SAMD5: variants seen among roughly 807,000 people sequenced by gnomAD.
The protein encoded by SAMD5 is sterile alpha motif domain-containing protein 5.
A neutral mutation model predicts 11.3 loss-of-function variants in SAMD5; 13 were observed. The observed-to-expected ratio is 1.15, with a 90% CI of 0.75 to 1.83. The LOEUF is 1.83. Among genes scored for constraint, SAMD5 ranks in the 40% most tolerant of loss-of-function variants. SAMD5 has a pLI of 0.00. For missense variants in SAMD5, 255 were observed against 239.1 expected (o/e 1.07, Z -0.44); for synonymous variants, 129 against 111.3 (o/e 1.16, Z -1.00).
At chr6:147,709,942 T>C (rs1190980442) in intron 1 of SAMD5, among the ~76,000 whole-genome samples, 1 of 152,168 alleles carries the variant, frequency 6.6e-6, no homozygotes, top group Non-Finnish European at 1.5e-5. Flanking sequence ...AACTGTGCAG[T>C]CACCCCTGAT....
chr6:147,882,236 C>T, the SAMD5 span, among the ~76,000 whole-genome samples: 3 of 152,126 alleles, frequency 2.0e-5, no homozygotes, highest in African/African-American at 7.2e-5. Flanking sequence ...CTTGTTGATT[C>T]TCCCAACCAC....
At chr6:147,647,809 C>A (rs910415093) in intron 1 of SAMD5, among the ~76,000 whole-genome samples, 1 of 152,220 alleles carries the variant, frequency 6.6e-6, no homozygotes, top group Non-Finnish European at 1.5e-5. Context: ...TGAGAGGCAT[C>A]GCTCACTGAA....
chr6:147,620,864 T>C (rs535754788), intron 1 of SAMD5, among the ~76,000 whole-genome samples: 14 of 152,158 alleles, frequency 9.2e-5, no homozygotes, highest in East Asian at 1.9e-4. Context: ...GTTTGAGGAA[T>C]AGTTAGAAGG....
chr6:147,878,523 TCA>T, the SAMD5 span, among the ~76,000 whole-genome samples: 5 of 149,844 alleles, frequency 3.3e-5, no homozygotes, highest in East Asian at 9.7e-4. Flanking sequence ...TTATTAGTAG[TCA>T]CAGTTCTCTA....
At position 147,564,259 on chromosome 6, in the gene SAMD5, C is replaced by G. The variant is rs1788999714; in HGVS notation, c.460-135C>G. 4 of 613,478 alleles carry G rather than the reference C, an allele frequency of 6.5e-6. No individual in the cohort carries two copies. In the Admixed American group the frequency reaches 1.1e-4, roughly 17 times the overall value. 38.0% of individuals were successfully genotyped at this position (613,478 alleles called of 1,614,324 possible). ...AGATAACAAGCAAAAACTCTTAGGG[C>G]TGTTCTTCAAAAGTCCATGTGGTAA... is the stretch of plus-strand genomic sequence containing the variant. On this transcript the variant is annotated intron_variant, in intron 1 of 1. Coordinates refer to ENST00000367474, the MANE Select transcript of SAMD5 (RefSeq NM_001030060.3).
the SAMD5 span, among the ~76,000 whole-genome samples, chr6:147,789,572 T>G: frequency 6.6e-6 from 1 of 152,200 alleles, no homozygotes. Flanking sequence ...TATTAATATC[T>G]TACATGTCTT....
At chr6:147,795,071 T>A in the SAMD5 span, among the ~76,000 whole-genome samples, 4 of 138,550 alleles carry the variant, frequency 2.9e-5, no homozygotes, top group Admixed American at 7.2e-5. Context: ...TATTTTTTTT[T>A]ATTATTATTA....
At chr6:147,682,275 A>G (rs938860729) in intron 1 of SAMD5, among the ~76,000 whole-genome samples, 7 of 152,190 alleles carry the variant, frequency 4.6e-5, no homozygotes, top group African/African-American at 1.7e-4. Flanking sequence ...CTAATGTCCA[A>G]TGTTAAAAAC....
the SAMD5 span, among the ~76,000 whole-genome samples, chr6:147,923,095 G>T: frequency 6.6e-6 from 1 of 152,114 alleles, no homozygotes; most frequent in Admixed American, 6.5e-5. Flanking sequence ...AACCAATAGA[G>T]AAGCAAATGG....
chr6:147,692,238 C>T (rs573550768), intron 1 of SAMD5, among the ~76,000 whole-genome samples: 1 of 152,148 alleles, frequency 6.6e-6, no homozygotes, highest in African/African-American at 2.4e-5. Flanking sequence ...TGTATTTCAA[C>T]CCTGCGCAAC....
chr6:147,934,077 G>A, the SAMD5 span, among the ~76,000 whole-genome samples: 2 of 152,220 alleles, frequency 1.3e-5, no homozygotes, highest in South Asian at 2.1e-4. Context: ...CACCCACTCC[G>A]AGTCTGGTGG....
At chr6:147,588,293 TTTTTC>T (rs1415364076) in intron 1 of SAMD5, among the ~76,000 whole-genome samples, 1 of 151,180 alleles carries the variant, frequency 6.6e-6, no homozygotes, top group Non-Finnish European at 1.5e-5. Flanking sequence ...CGGCCATTTT[TTTTTC>T]CTTTACTTTG....
intron 1 of SAMD5, among the ~76,000 whole-genome samples, chr6:147,538,613 G>A (rs1335815343): frequency 1.3e-5 from 2 of 152,162 alleles, no homozygotes; most frequent in Non-Finnish European, 2.9e-5. Context: ...TTTCAGCATA[G>A]CTAGCGGGCA....
the SAMD5 span, among the ~76,000 whole-genome samples, chr6:147,785,968 G>A: frequency 3.3e-5 from 5 of 152,090 alleles, no homozygotes; most frequent in Non-Finnish European, 7.4e-5. Context: ...TTCTCCTGGC[G>A]GTTCTTGCAG....
intron 1 of SAMD5, among the ~76,000 whole-genome samples, chr6:147,604,591 A>C (rs997531809): frequency 3.3e-5 from 5 of 152,228 alleles, no homozygotes; most frequent in Non-Finnish European, 7.3e-5. Flanking sequence ...TCAAGAATGC[A>C]ACTAGTTTTG....
Position 147,529,165 on chromosome 6 carries a change from T to A in SAMD5, c.459+19778T>A, listed in dbSNP as rs542329011. Among the ~76,000 whole-genome samples, 6 of 152,332 alleles carry A rather than the reference T, an allele frequency of 3.9e-5. No homozygotes were observed. In the South Asian group the frequency reaches 8.3e-4, roughly 21 times the overall value. ...ATTCAGTGTTAGCTTTTATTAAAGA[T>A]GAAAATGGCAGATCTATTCACAGGC... On this transcript the variant is annotated intron_variant, in intron 1 of 1. Transcript: ENST00000367474.
the SAMD5 span, among the ~76,000 whole-genome samples, chr6:147,836,336 C>T: frequency 6.6e-6 from 1 of 152,292 alleles, no homozygotes; most frequent in Non-Finnish European, 1.5e-5. Flanking sequence ...TTTGTACTTA[C>T]ATTAAGACAT....
At chr6:147,899,472 G>A in the SAMD5 span, among the ~76,000 whole-genome samples, 1 of 152,164 alleles carries the variant, frequency 6.6e-6, no homozygotes, top group African/African-American at 2.4e-5. Context: ...TTAAAAATGA[G>A]AAGAAATCAC....
At chr6:147,586,776 A>T (rs1215831079) in intron 1 of SAMD5, among the ~76,000 whole-genome samples, 1 of 152,006 alleles carries the variant, frequency 6.6e-6, no homozygotes, top group Non-Finnish European at 1.5e-5. Flanking sequence ...AGTAAAAGAC[A>T]ATTACTGAAA....
Sources: allele counts gnomAD v4.1 joint callset (sites outside exome capture counted in the v4.1 genomes callset), GRCh38; gene constraint gnomAD v4.1.1; transcripts MANE v1.5; gene names NCBI Gene and HGNC (gene_info 2026-07-23, HGNC 2026-07-21).